The following SLC4A10 variants were observed in gnomAD, a reference collection of about 807,000 sequenced individuals.
SLC4A10 encodes the protein solute carrier family 4 member 10.
SLC4A10 carries 42 observed loss-of-function variants against 137.7 expected under a neutral mutation model. That is an observed-to-expected ratio of 0.30 (90% CI 0.24 to 0.39). The LOEUF is 0.39. Among genes scored for constraint, SLC4A10 ranks in the 10% least tolerant of loss-of-function variants. SLC4A10 has a pLI of 1.00. For synonymous variants in SLC4A10, 474 were observed against 464.1 expected, an observed-to-expected ratio of 1.02 and a Z score of -0.27; for missense variants, 925 against 1,355.0, an observed-to-expected ratio of 0.68 and a Z score of 4.98.
intron 1 of SLC4A10, among the ~76,000 whole-genome samples, chr2:161,651,753 T>A (rs113519653): frequency 8.8e-4 from 134 of 152,324 alleles, no homozygotes; most frequent in African/African-American, 3.1e-3. Flanking sequence ...CTGGCATGCC[T>A]GGCTGTGTGC....
At chr2:161,873,857 T>C (rs2061299665) in intron 7 of SLC4A10, 59 bp from the exon 8 acceptor site, 1 of 1,512,596 alleles carries the variant, frequency 6.6e-7, no homozygotes, top group Middle Eastern at 1.7e-4. Flanking sequence ...CTCTGGTGCC[T>C]GGCGGAGTCT....
At position 161,649,000 on chromosome 2, in the gene SLC4A10, C is replaced by G. The variant is rs1475364990; in HGVS notation, c.48+24434C>G. Among the ~76,000 whole-genome samples, 3 of 152,100 alleles carry G rather than the reference C, an allele frequency of 2.0e-5. No individual in the cohort carries two copies. The East Asian group carries it at 5.8e-4, about 29-fold the overall frequency. ...TACTAGATTTTCAGAAAATTGTCCTCCAGATTGGCTGACCCAATTTTTATG... is the reference window on the plus strand; with the variant it reads ...TACTAGATTTTCAGAAAATTGTCCTGCAGATTGGCTGACCCAATTTTTATG... On this transcript the variant is annotated intron_variant, in intron 1 of 26. Coordinates refer to ENST00000446997, the MANE Select transcript of SLC4A10 (RefSeq NM_001178015.2).
chr2:161,929,524 C>A (rs548418479), intron 15 of SLC4A10, among the ~76,000 whole-genome samples: 9 of 152,180 alleles, frequency 5.9e-5, no homozygotes, highest in African/African-American at 2.2e-4. Context: ...TTACATGCAC[C>A]TAAGCTAGGG....
chr2:161,652,589 T>A (rs1319336686), intron 1 of SLC4A10, among the ~76,000 whole-genome samples: 1 of 152,196 alleles, frequency 6.6e-6, no homozygotes, highest in African/African-American at 2.4e-5. Flanking sequence ...ATATTTTTAT[T>A]TTATAGTGGC....
chr2:161,954,214 A>C (rs761928364), intron 19 of SLC4A10, among the ~76,000 whole-genome samples: 1 of 152,104 alleles, frequency 6.6e-6, no homozygotes, highest in African/African-American at 2.4e-5. Flanking sequence ...CTGGTTCTTC[A>C]TGTCAATCTA....
In SLC4A10 at chr2:161,771,465, G is replaced by C. The variant is rs553474668; in HGVS notation, c.130+411G>C. Among the ~76,000 whole-genome samples the C allele has an allele frequency of 5.9e-5, 9 of 151,888 alleles. No homozygotes were observed. In the East Asian group the frequency reaches 1.7e-3, roughly 30 times the overall value. The stretch of plus-strand genomic sequence containing the variant: ...TGTCAGAGGTATAGTCACCATTTTT[G>C]TGTGTTCTCTTTAATGGGAAGAAGG... On this transcript the variant is annotated intron_variant, in intron 2 of 26. Coordinates refer to ENST00000446997, the MANE Select transcript of SLC4A10 (RefSeq NM_001178015.2).
At chr2:161,827,514 A>G (rs1213933031) in intron 3 of SLC4A10, among the ~76,000 whole-genome samples, 2 of 152,026 alleles carry the variant, frequency 1.3e-5, no homozygotes, top group African/African-American at 2.4e-5. Flanking sequence ...CTATATCATC[A>G]TTATAACCAT....
At chr2:161,895,234 G>A (rs1401262417) in intron 11 of SLC4A10, among the ~76,000 whole-genome samples, 1 of 152,002 alleles carries the variant, frequency 6.6e-6, no homozygotes, top group East Asian at 1.9e-4. Flanking sequence ...CCCTACAAAG[G>A]ATGTGAACTC....
At chr2:161,834,526 G>T (rs1411152867) in intron 3 of SLC4A10, among the ~76,000 whole-genome samples, 1 of 152,054 alleles carries the variant, frequency 6.6e-6, no homozygotes, top group Admixed American at 6.6e-5. Flanking sequence ...TCAAACTGTG[G>T]TAAATGCTTT....
chr2:161,785,439 C>A (rs2053514590), intron 2 of SLC4A10, among the ~76,000 whole-genome samples: 1 of 151,680 alleles, frequency 6.6e-6, no homozygotes, highest in African/African-American at 2.4e-5. Context: ...ATAATAATAT[C>A]TCTGATGAAC....
chr2:161,633,959 T>C (rs550849827), intron 1 of SLC4A10, among the ~76,000 whole-genome samples: 1 of 151,824 alleles, frequency 6.6e-6, no homozygotes, highest in Non-Finnish European at 1.5e-5. Flanking sequence ...AGAATTCCCA[T>C]ATCCTTTTCA....
chr2:161,929,591 T>A (rs1358659440), intron 15 of SLC4A10, among the ~76,000 whole-genome samples: 2 of 152,146 alleles, frequency 1.3e-5, no homozygotes, highest in Non-Finnish European at 2.9e-5. Context: ...AGATGACAGA[T>A]CTTCAACCAG....
At chr2:161,854,400 G>A (rs2059988921) in intron 4 of SLC4A10, among the ~76,000 whole-genome samples, 1 of 152,122 alleles carries the variant, frequency 6.6e-6, no homozygotes, top group African/African-American at 2.4e-5. Flanking sequence ...ACCCAGGGAT[G>A]GGGTCTGAGC....
chr2:161,876,157 G>A (rs1279385702), intron 8 of SLC4A10, among the ~76,000 whole-genome samples: 1 of 152,116 alleles, frequency 6.6e-6, no homozygotes, highest in Admixed American at 6.5e-5. Flanking sequence ...AGAAGCATGA[G>A]TGTAAATACA....
At chr2:161,947,838 G>A (rs1694099523) in intron 17 of SLC4A10, 111 bp downstream of exon 17, 3 of 1,213,102 alleles carry the variant, frequency 2.5e-6, no homozygotes, top group South Asian at 3.0e-5. Flanking sequence ...GAGCTGCCAG[G>A]TTAGTTGTGG....
rs534643424 is a variant in SLC4A10, at chr2:161,625,756, T to G, written c.48+1190T>G. 2.0e-3 allele frequency among the ~76,000 whole-genome samples: 309 copies of G among 152,178 alleles called. 1 individual carries two copies. Among genetic ancestry groups the G allele is most frequent in the African/African-American group, 7.1e-3 (295 of 41,544 alleles). ...CATCCCCGGAATCAACTGTGGCGAC[T>G]GAGCATGCCCAGTTCTCCTGCGGAC... On this transcript the variant is annotated intron_variant, in intron 1 of 26. Coordinates refer to ENST00000446997, the MANE Select transcript of SLC4A10 (RefSeq NM_001178015.2).
intron 6 of SLC4A10, among the ~76,000 whole-genome samples, chr2:161,870,034 G>A (rs898752628): frequency 6.6e-6 from 1 of 151,190 alleles, no homozygotes; most frequent in Non-Finnish European, 1.5e-5. Flanking sequence ...TATAAAAATA[G>A]TTTCTAAATC....
At chr2:161,693,669 C>CTTTTTTT (rs774199734) in intron 1 of SLC4A10, among the ~76,000 whole-genome samples, 1 of 115,256 alleles carries the variant, frequency 8.7e-6, no homozygotes, top group Non-Finnish European at 1.8e-5. Flanking sequence ...ACAAATTCGA[C>CTTTTTTT]TTTTTTTTTT....
chr2:161,937,723 T>C (rs887166938), intron 15 of SLC4A10, among the ~76,000 whole-genome samples: 1 of 152,184 alleles, frequency 6.6e-6, no homozygotes, highest in Non-Finnish European at 1.5e-5. Flanking sequence ...TAACTTTTTA[T>C]TGAGTTAATT....
Sources: allele counts gnomAD v4.1 joint callset (sites outside exome capture counted in the v4.1 genomes callset), GRCh38; gene constraint gnomAD v4.1.1; transcripts MANE v1.5; gene names NCBI Gene and HGNC (gene_info 2026-07-23, HGNC 2026-07-21).